FAF1: variants seen among roughly 807,000 people sequenced by gnomAD.
FAF1 encodes Fas associated factor 1, also known as FAS-associated factor 1.
FAF1 carries 25 observed loss-of-function variants against 92.5 expected under a neutral mutation model. The observed-to-expected ratio is 0.27, with a 90% CI of 0.20 to 0.38. The LOEUF (loss-of-function observed/expected upper bound fraction) is 0.38, where lower values mean the gene tolerates loss of function less well. FAF1 is among the 10% of genes least tolerant of loss of function. The pLI is 1.00. For missense variants in FAF1, 636 were observed against 793.3 expected (o/e 0.80, Z 2.38); for synonymous variants, 234 against 273.2 (o/e 0.86, Z 1.42).
At chr1:50,539,188 T>C (rs1272937373) in intron 14 of FAF1, among the ~76,000 whole-genome samples, 1 of 152,152 alleles carries the variant, frequency 6.6e-6, no homozygotes, top group African/African-American at 2.4e-5. Flanking sequence ...CTGTGAAAAA[T>C]TCAATCTTCA....
intron 8 of FAF1, among the ~76,000 whole-genome samples, chr1:50,642,173 A>G (rs541562405): frequency 5.3e-5 from 8 of 151,038 alleles, no homozygotes; most frequent in African/African-American, 2.0e-4. Context: ...ACTGCACTTC[A>G]GCCTGGGCAA....
intron 9 of FAF1, among the ~76,000 whole-genome samples, chr1:50,592,118 C>T (rs371640599): frequency 1.3e-5 from 2 of 152,220 alleles, no homozygotes; most frequent in East Asian, 3.9e-4. Flanking sequence ...ATTATCTATG[C>T]TCCCCTAGCA....
At chr1:50,657,064 T>A (rs986846098) in intron 7 of FAF1, among the ~76,000 whole-genome samples, 1 of 151,534 alleles carries the variant, frequency 6.6e-6, no homozygotes, top group Non-Finnish European at 1.5e-5. Context: ...ATAACAAAAT[T>A]AGCTAGGCAT....
chr1:50,587,487 A>C (rs1370668814), intron 9 of FAF1, among the ~76,000 whole-genome samples: 1 of 152,228 alleles, frequency 6.6e-6, no homozygotes, highest in Non-Finnish European at 1.5e-5. Flanking sequence ...CAGGTTAGAA[A>C]AAGCTTTTTC....
intron 7 of FAF1, among the ~76,000 whole-genome samples, chr1:50,660,347 T>G (rs1655316452): frequency 1.3e-5 from 2 of 152,180 alleles, no homozygotes; most frequent in African/African-American, 4.8e-5. Flanking sequence ...ATAAAACCAT[T>G]CCTTGTGAGC....
chr1:50,859,639 A>G (rs756503142), intron 1 of FAF1, among the ~76,000 whole-genome samples: 5 of 151,908 alleles, frequency 3.3e-5, no homozygotes, highest in Non-Finnish European at 7.4e-5. Flanking sequence ...CCATGCTCAC[A>G]GGTTGGAAGA....
chr1:50,638,260 A>T (rs1032534523), intron 8 of FAF1, among the ~76,000 whole-genome samples: 6 of 152,086 alleles, frequency 3.9e-5, no homozygotes, highest in Non-Finnish European at 8.8e-5. Flanking sequence ...TAAAACAAAA[A>T]AAGTTTTATT....
At chr1:50,504,000 T>C (rs1647024192) in intron 15 of FAF1, among the ~76,000 whole-genome samples, 1 of 152,348 alleles carries the variant, frequency 6.6e-6, no homozygotes, top group East Asian at 1.9e-4. Flanking sequence ...TCAAAACTTG[T>C]CAAATTATAT....
intron 9 of FAF1, among the ~76,000 whole-genome samples, chr1:50,586,664 C>T (rs1572851527): frequency 6.6e-6 from 1 of 152,142 alleles, no homozygotes; most frequent in Non-Finnish European, 1.5e-5. Context: ...ATAGTTTGTT[C>T]GTAGATCTAA....
intron 8 of FAF1, among the ~76,000 whole-genome samples, chr1:50,635,193 T>C (rs1653956040): frequency 6.6e-6 from 1 of 152,142 alleles, no homozygotes; most frequent in South Asian, 2.1e-4. Context: ...TGATGAAAAT[T>C]TGAAATTCAC....
At chr1:50,836,996 C>T (rs1463231870) in intron 2 of FAF1, among the ~76,000 whole-genome samples, 4 of 113,242 alleles carry the variant, frequency 3.5e-5, no homozygotes, top group African/African-American at 7.1e-5. Context: ...CTTGCTCTGT[C>T]GCCCAGGCTG....
At chr1:50,553,214 G>A (rs1649396258) in intron 13 of FAF1, among the ~76,000 whole-genome samples, 1 of 152,148 alleles carries the variant, frequency 6.6e-6, no homozygotes, top group Admixed American at 6.5e-5. Context: ...CAAATAAATA[G>A]GAGTGGTAGG....
At chr1:50,918,333 C>T (rs934546392) in intron 1 of FAF1, among the ~76,000 whole-genome samples, 5 of 90,980 alleles carry the variant, frequency 5.5e-5, no homozygotes, top group Admixed American at 1.2e-4. Context: ...CCAATGCTAT[C>T]CCTCCCCCCT....
chr1:50,793,243 G>A (rs946237131), intron 3 of FAF1, among the ~76,000 whole-genome samples: 2 of 152,092 alleles, frequency 1.3e-5, no homozygotes, highest in Non-Finnish European at 2.9e-5. Flanking sequence ...ACACAACAGT[G>A]CCACAGGTAC....
chr1:50,867,583 T>G (rs1185909536), intron 1 of FAF1, among the ~76,000 whole-genome samples: 1 of 152,122 alleles, frequency 6.6e-6, no homozygotes, highest in Non-Finnish European at 1.5e-5. Context: ...GAAAAAATGC[T>G]TGACATCACT....
intron 18 of FAF1, among the ~76,000 whole-genome samples, chr1:50,464,130 G>A (rs1160082147): frequency 6.6e-6 from 1 of 152,110 alleles, no homozygotes; most frequent in Non-Finnish European, 1.5e-5. Flanking sequence ...CATGTGCCAT[G>A]TCTGTGTCCT....
intron 12 of FAF1, among the ~76,000 whole-genome samples, chr1:50,576,073 G>C (rs1240583644): frequency 6.6e-6 from 1 of 152,112 alleles, no homozygotes; most frequent in Non-Finnish European, 1.5e-5. Flanking sequence ...ACTGTTCCTA[G>C]AACTAGTTCA....
Position 50,439,103 on chromosome 1 carries a change from T to G in FAF1, c.*2337A>C, listed in dbSNP as rs1646148315. ...GAGCTTCACTGTCAACAGTTGGGCA[T>G]AAGAATGCCAAGCAAATATTCAGAC... On this transcript the variant is annotated 3_prime_UTR_variant, in exon 19 of 19. Transcript: ENST00000396153. 6.6e-6 allele frequency: 1 copy of G among 152,172 alleles called. No homozygotes were observed. The highest frequency in any genetic ancestry group is 2.1e-4 in the South Asian group (1 of 4,828). 9.4% of individuals were successfully genotyped at this position (152,172 alleles called of 1,614,324 possible). A position where few individuals can be genotyped will look rare whatever the true frequency, so the allele number is the denominator to read the frequency against.
intron 7 of FAF1, among the ~76,000 whole-genome samples, chr1:50,698,564 T>C (rs1303699267): frequency 6.6e-6 from 1 of 152,142 alleles, no homozygotes; most frequent in African/African-American, 2.4e-5. Context: ...TTATTTTAAA[T>C]GGTCTGCTGC....
Sources: allele counts gnomAD v4.1 joint callset (sites outside exome capture counted in the v4.1 genomes callset), GRCh38; gene constraint gnomAD v4.1.1; transcripts MANE v1.5; gene names NCBI Gene and HGNC (gene_info 2026-07-23, HGNC 2026-07-21).